The following PDE1C variants were observed in gnomAD, a reference collection of about 807,000 sequenced individuals.
The protein encoded by PDE1C is phosphodiesterase 1C.
Under a neutral mutation model 93.1 loss-of-function variants are expected in PDE1C, and 62 were observed. The ratio of observed to expected loss-of-function variants is 0.67; its 90% CI spans 0.54 to 0.82. PDE1C has a LOEUF of 0.82. Among genes scored for constraint, PDE1C ranks in the 40% least tolerant of loss-of-function variants. The pLI is 0.00. For missense variants in PDE1C, 742 were observed against 884.6 expected (o/e 0.84, Z 2.04); for synonymous variants, 325 against 310.1 (o/e 1.05, Z -0.50).
chr7:32,257,088 C>A (rs1562624987), intron 1 of PDE1C, among the ~76,000 whole-genome samples: 2 of 152,168 alleles, frequency 1.3e-5, no homozygotes, highest in South Asian at 4.1e-4. Context: ...AGTTTCTGAC[C>A]TCAAGGATCT....
At chr7:31,948,760 AAGATGAC>A (rs1262796629) in intron 2 of PDE1C, among the ~76,000 whole-genome samples, 8 of 152,152 alleles carry the variant, frequency 5.3e-5, no homozygotes, top group Non-Finnish European at 1.2e-4. Context: ...CCCCATTATC[AAGATGAC>A]AGATGTTTTG....
chr7:32,160,419 G>A (rs950214928), intron 3 of PDE1C, among the ~76,000 whole-genome samples: 15 of 152,154 alleles, frequency 9.9e-5, no homozygotes, highest in South Asian at 2.1e-4. Context: ...CCTGTTACAC[G>A]GGTATTTCTC....
At chr7:32,313,706 G>C (rs1355030745) in intron 1 of PDE1C, among the ~76,000 whole-genome samples, 3 of 140,938 alleles carry the variant, frequency 2.1e-5, no homozygotes, top group Non-Finnish European at 4.5e-5. Context: ...TGAACCATGA[G>C]AACACATGGA....
chr7:32,274,431 C>G (rs75776167), intron 1 of PDE1C, among the ~76,000 whole-genome samples: 2,401 of 148,350 alleles, frequency 0.016, 62 homozygotes, highest in African/African-American at 0.055. Flanking sequence ...CTGGTCTCAA[C>G]TCCTAGGTTC....
At chr7:31,961,578 G>A (rs1808976699) in intron 2 of PDE1C, among the ~76,000 whole-genome samples, 1 of 152,070 alleles carries the variant, frequency 6.6e-6, no homozygotes, top group African/African-American at 2.4e-5. Flanking sequence ...TGAGACACAG[G>A]TAAGGAGACG....
chr7:32,093,325 C>G (rs964693280), intron 3 of PDE1C, among the ~76,000 whole-genome samples: 1 of 152,248 alleles, frequency 6.6e-6, no homozygotes, highest in Non-Finnish European at 1.5e-5. Flanking sequence ...AGGATCACCT[C>G]TTCCAGCTGA....
At chr7:32,189,114 A>G (rs1246668590) in intron 2 of PDE1C, among the ~76,000 whole-genome samples, 1 of 152,190 alleles carries the variant, frequency 6.6e-6, no homozygotes, top group Non-Finnish European at 1.5e-5. Context: ...GGTGCAGTGG[A>G]TCACTATATA....
At chr7:31,732,986 T>C in the PDE1C span, among the ~76,000 whole-genome samples, 30 of 152,194 alleles carry the variant, frequency 2.0e-4, no homozygotes, top group Non-Finnish European at 3.7e-4. Context: ...AGAATTTCCA[T>C]TCCTAACGGA....
At chr7:32,033,959 T>C (rs1790674995) in intron 2 of PDE1C, among the ~76,000 whole-genome samples, 1 of 152,062 alleles carries the variant, frequency 6.6e-6, no homozygotes, top group Admixed American at 6.6e-5. Flanking sequence ...TATCAGTAGA[T>C]AATAAAATCA....
At chr7:31,771,671 C>T (rs951394360) in intron 17 of PDE1C, among the ~76,000 whole-genome samples, 17 of 152,072 alleles carry the variant, frequency 1.1e-4, no homozygotes, top group African/African-American at 3.4e-4. Flanking sequence ...AATATTTTCT[C>T]ATATTGTGAG....
At position 32,209,543 on chromosome 7, in the gene PDE1C, G is replaced by GAA. The variant is rs112791453; in HGVS notation, c.86-6_86-5dup. On this transcript the variant is annotated splice_region_variant and splice_polypyrimidine_tract_variant and intron_variant, in intron 1 of 18. Coordinates refer to the PDE1C transcript ENST00000396193. ...TTGTCTCCAGCTTCATTTGCAACTAGAAAAAAAAAAGAGGATGCAATTTAA... is the reference window on the plus strand; with the variant it reads ...TTGTCTCCAGCTTCATTTGCAACTAGAAAAAAAAAAAAGAGGATGCAATTTAA... 24,778 of 1,367,424 alleles carry GAA rather than the reference G, an allele frequency of 0.018. 2,494 individuals are homozygous for GAA. In the African/African-American group the frequency reaches 0.31, roughly 17 times the overall value. The allele number at this position is 1,367,424 out of a possible 1,614,324, so 84.7% of individuals were successfully genotyped here. A position where few individuals can be genotyped will look rare whatever the true frequency, so the allele number is the denominator to read the frequency against.
chr7:32,082,130 G>A (rs1421103021), intron 3 of PDE1C, among the ~76,000 whole-genome samples: 1 of 152,266 alleles, frequency 6.6e-6, no homozygotes, highest in Non-Finnish European at 1.5e-5. Flanking sequence ...GTGACAGACG[G>A]CACCTGGAAA....
chr7:32,203,401 C>T (rs1186184334), intron 2 of PDE1C, among the ~76,000 whole-genome samples: 1 of 152,028 alleles, frequency 6.6e-6, no homozygotes, highest in African/African-American at 2.4e-5. Context: ...GTCATAGGTG[C>T]TGCCTCCCTC....
intron 16 of PDE1C, among the ~76,000 whole-genome samples, chr7:31,804,967 C>T (rs1283819158): frequency 6.6e-6 from 1 of 151,750 alleles, no homozygotes; most frequent in Admixed American, 6.6e-5. Context: ...CCCATAACCC[C>T]CATGTGTCAT....
chr7:31,994,127 G>T (rs554506050), intron 2 of PDE1C, among the ~76,000 whole-genome samples: 11 of 152,074 alleles, frequency 7.2e-5, no homozygotes, highest in African/African-American at 2.7e-4. Context: ...AAGGAGAGCT[G>T]CATACAGAGG....
the PDE1C span, among the ~76,000 whole-genome samples, chr7:31,664,540 T>G: frequency 6.6e-6 from 1 of 152,236 alleles, no homozygotes; most frequent in African/African-American, 2.4e-5. Context: ...CTCACATGTC[T>G]GGCTCTCCCA....
intron 1 of PDE1C, among the ~76,000 whole-genome samples, chr7:32,378,313 T>C (rs1784469557): frequency 6.6e-6 from 1 of 152,142 alleles, no homozygotes; most frequent in African/African-American, 2.4e-5. Context: ...AAAAATTGTA[T>C]CAGTAGATAC....
At chr7:32,391,057 G>T (rs929466845) in intron 1 of PDE1C, among the ~76,000 whole-genome samples, 1 of 151,886 alleles carries the variant, frequency 6.6e-6, no homozygotes, top group Admixed American at 6.6e-5. Context: ...CATTAAATAT[G>T]AATACATTAG....
At chr7:31,633,923 T>C in the PDE1C span, among the ~76,000 whole-genome samples, 3 of 152,236 alleles carry the variant, frequency 2.0e-5, no homozygotes, top group Non-Finnish European at 4.4e-5. Flanking sequence ...TTCAATTTTA[T>C]AGCTTCTGTG....
Sources: gnomAD v4.1 joint callset for allele counts (sites outside exome capture counted in the v4.1 genomes callset) on GRCh38, gnomAD v4.1.1 for gene constraint, MANE v1.5 for transcripts, NCBI Gene and HGNC (gene_info 2026-07-23, HGNC 2026-07-21) for gene names.